The following SGCD variants were observed in gnomAD, a reference collection of about 807,000 sequenced individuals.
The protein encoded by SGCD is delta-sarcoglycan.
A neutral mutation model predicts 36.6 loss-of-function variants in SGCD; 18 were observed. The observed-to-expected ratio is 0.49, with a 90% CI of 0.34 to 0.73. The LOEUF is 0.73. Among genes scored for constraint, SGCD ranks in the 30% least tolerant of loss-of-function variants. SGCD has a pLI of 0.01. For missense variants in SGCD, 387 were observed against 346.7 expected (o/e 1.12, Z -0.92); for synonymous variants, 133 against 130.6 (o/e 1.02, Z -0.12).
intron 7 of SGCD, among the ~76,000 whole-genome samples, chr5:156,737,523 A>G (rs1018389984): frequency 2.0e-4 from 30 of 152,222 alleles, no homozygotes; most frequent in African/African-American, 6.5e-4. Flanking sequence ...TTATTTACAT[A>G]TAAGACACTA....
chr5:155,830,902 A>G, the SGCD span, among the ~76,000 whole-genome samples: 4 of 151,994 alleles, frequency 2.6e-5, no homozygotes, highest in Admixed American at 2.6e-4. Context: ...CTTCTTTACT[A>G]CTTTTTCCAG....
intron 1 of SGCD, among the ~76,000 whole-genome samples, chr5:156,095,446 A>G (rs577881015): frequency 6.6e-6 from 1 of 152,310 alleles, no homozygotes; most frequent in African/African-American, 2.4e-5. Context: ...TATCCCAGAT[A>G]TTTTTAACCT....
intron 3 of SGCD, among the ~76,000 whole-genome samples, chr5:156,172,335 G>T (rs1179516019): frequency 6.6e-6 from 1 of 152,130 alleles, no homozygotes; most frequent in Non-Finnish European, 1.5e-5. Context: ...TCAGTAGCTG[G>T]TGATGATGAA....
chr5:156,495,205 TGCTTCTCTTTAGTTAAG>T (rs1203033970), intron 3 of SGCD, among the ~76,000 whole-genome samples: 1 of 152,166 alleles, frequency 6.6e-6, no homozygotes, highest in Non-Finnish European at 1.5e-5. Flanking sequence ...GGACCACTAC[TGCTTCTCTTTAGTTAAG>T]GCTAAACATA....
At chr5:156,040,804 T>A (rs972987740) in intron 1 of SGCD, among the ~76,000 whole-genome samples, 1 of 152,180 alleles carries the variant, frequency 6.6e-6, no homozygotes, top group South Asian at 2.1e-4. Flanking sequence ...TACATCAGAT[T>A]ATTTTAGGGC....
At chr5:155,850,425 A>G in the SGCD span, among the ~76,000 whole-genome samples, 2 of 152,096 alleles carry the variant, frequency 1.3e-5, no homozygotes, top group South Asian at 2.1e-4. Flanking sequence ...AGACAGAGAG[A>G]GAGAGAGAGA....
chr5:156,072,531 T>C (rs1012185062), intron 1 of SGCD, among the ~76,000 whole-genome samples: 1 of 151,746 alleles, frequency 6.6e-6, no homozygotes, highest in Non-Finnish European at 1.5e-5. Context: ...CCTTTGAGGG[T>C]AACCCGACCT....
chr5:156,006,965 G>T (rs989365288), intron 1 of SGCD, among the ~76,000 whole-genome samples: 1 of 151,996 alleles, frequency 6.6e-6, no homozygotes, highest in African/African-American at 2.4e-5. Context: ...TTCTGTTTCT[G>T]CTCAATTTTT....
intron 5 of SGCD, among the ~76,000 whole-genome samples, chr5:156,590,454 T>A (rs1760683556): frequency 6.6e-6 from 1 of 152,136 alleles, no homozygotes; most frequent in South Asian, 2.1e-4. Context: ...TGTGACTGGA[T>A]CTTCCACCTT....
intron 1 of SGCD, among the ~76,000 whole-genome samples, chr5:156,017,440 C>T (rs1759009684): frequency 6.6e-6 from 1 of 151,912 alleles, no homozygotes. Context: ...GGAATTCATT[C>T]ATGTTTTCCT....
chr5:156,125,572 T>A (rs1227290268), intron 3 of SGCD, among the ~76,000 whole-genome samples: 1 of 152,042 alleles, frequency 6.6e-6, no homozygotes, highest in Non-Finnish European at 1.5e-5. Context: ...TACACATTCC[T>A]CCTTCTCTAG....
In SGCD at chr5:156,368,382, C is replaced by T. The variant is rs746850974; in HGVS notation, c.192+23705C>T. Among the ~76,000 whole-genome samples the T allele has an allele frequency of 3.0e-4, 45 of 152,276 alleles. No homozygotes were observed. The South Asian group carries it at 8.3e-3, about 28-fold the overall frequency. Reference sequence around the variant, plus strand: ...CTGGGATTACAGGCGTGAGCCACTGCGCCTGGCCTGTACTCATGCTTTTTA... The same window carrying T: ...CTGGGATTACAGGCGTGAGCCACTGTGCCTGGCCTGTACTCATGCTTTTTA... On this transcript the variant is annotated intron_variant, in intron 3 of 8. Transcript: ENST00000337851.
At chr5:156,089,163 G>A (rs1291915277) in intron 1 of SGCD, among the ~76,000 whole-genome samples, 1 of 152,164 alleles carries the variant, frequency 6.6e-6, no homozygotes, top group African/African-American at 2.4e-5. Context: ...CAGATTCAAA[G>A]GTGGGATCCC....
chr5:156,124,536 G>T (rs934988014), intron 3 of SGCD, among the ~76,000 whole-genome samples: 1 of 151,964 alleles, frequency 6.6e-6, no homozygotes, highest in African/African-American at 2.4e-5. Flanking sequence ...AAAAGGTCTC[G>T]ATTATTTTTT....
chr5:155,975,715 C>T (rs561899317), intron 1 of SGCD, among the ~76,000 whole-genome samples: 5 of 143,746 alleles, frequency 3.5e-5, no homozygotes, highest in South Asian at 2.2e-4. Context: ...CTGCAACCTC[C>T]GCCTCCTGGG....
chr5:156,478,427 C>T (rs999364156), intron 3 of SGCD, among the ~76,000 whole-genome samples: 30 of 152,156 alleles, frequency 2.0e-4, no homozygotes, highest in Non-Finnish European at 4.0e-4. Flanking sequence ...TGTGAGACCT[C>T]TTGCGATTAC....
At chr5:156,247,139 A>C (rs1378948194) in intron 3 of SGCD, among the ~76,000 whole-genome samples, 2 of 152,204 alleles carry the variant, frequency 1.3e-5, no homozygotes, top group African/African-American at 4.8e-5. Context: ...AAGAATAAGA[A>C]ATTAGAGAAT....
chr5:156,675,228 T>A (rs907467932), intron 7 of SGCD, among the ~76,000 whole-genome samples: 1 of 152,140 alleles, frequency 6.6e-6, no homozygotes, highest in African/African-American at 2.4e-5. Flanking sequence ...CAGAACAAAT[T>A]TTTGAGAATT....
intron 3 of SGCD, among the ~76,000 whole-genome samples, chr5:156,344,969 G>A (rs1349522744): frequency 5.3e-5 from 8 of 152,140 alleles, no homozygotes; most frequent in Non-Finnish European, 1.0e-4. Context: ...TAGCTTTCAA[G>A]CACTTTGATT....
Sources: gnomAD v4.1 joint callset for allele counts (sites outside exome capture counted in the v4.1 genomes callset) on GRCh38, gnomAD v4.1.1 for gene constraint, MANE v1.5 for transcripts, NCBI Gene and HGNC (gene_info 2026-07-23, HGNC 2026-07-21) for gene names.